SOX6: variants seen among roughly 807,000 people sequenced by gnomAD.
SOX6 encodes the protein SRY-box transcription factor 6, also known as transcription factor SOX-6.
SOX6 carries 11 observed loss-of-function variants against 97.8 expected under a neutral mutation model. The observed-to-expected ratio is 0.11, with a 90% CI of 0.07 to 0.19. SOX6 has a LOEUF of 0.19. Among genes scored for constraint, SOX6 ranks in the 10% least tolerant of loss-of-function variants. The probability of loss-of-function intolerance (pLI) is 1.00; values close to 1 mark genes in which losing one functional copy is unlikely to be tolerated. For synonymous variants in SOX6, 360 were observed against 371.4 expected (o/e 0.97, Z 0.35); for missense variants, 810 against 1,039.5 (o/e 0.78, Z 3.04).
intron 4 of SOX6, among the ~76,000 whole-genome samples, chr11:16,193,902 C>G (rs769758475): frequency 2.6e-5 from 4 of 152,180 alleles, no homozygotes; most frequent in Non-Finnish European, 4.4e-5. Context: ...GGGAAAACTG[C>G]TGCATCTTTA....
At chr11:16,406,460 C>A (rs1858688682) in intron 1 of SOX6, among the ~76,000 whole-genome samples, 1 of 152,100 alleles carries the variant, frequency 6.6e-6, no homozygotes, top group Admixed American at 6.6e-5. Context: ...TTGGCTGGGA[C>A]AACTGGTATA....
intron 4 of SOX6, among the ~76,000 whole-genome samples, chr11:16,555,371 T>C (rs1847738905): frequency 6.6e-6 from 1 of 151,670 alleles, no homozygotes; most frequent in Admixed American, 6.6e-5. Flanking sequence ...TTTGCTCAGG[T>C]GTTATCGGTA....
chr11:16,063,499 TATATATATATATATATATA>T (rs1564933202), intron 9 of SOX6, among the ~76,000 whole-genome samples: 569 of 11,370 alleles, frequency 0.05, 20 homozygotes, highest in African/African-American at 0.067. Context: ...CATAATTTTA[TATATATATATATATATATA>T]TATATATATA....
chr11:16,667,641 G>GT (rs1406064946), intron 3 of SOX6, among the ~76,000 whole-genome samples: 1 of 152,034 alleles, frequency 6.6e-6, no homozygotes, highest in Non-Finnish European at 1.5e-5. Context: ...AAAAGGTGAG[G>GT]TATTTCATCA....
chr11:16,545,974 C>A (rs772495807), intron 4 of SOX6, among the ~76,000 whole-genome samples: 11 of 151,952 alleles, frequency 7.2e-5, no homozygotes, highest in Non-Finnish European at 8.8e-5. Flanking sequence ...AATAAATACT[C>A]TTACCTCTAA....
intron 6 of SOX6, among the ~76,000 whole-genome samples, chr11:16,132,359 A>AAAGAAAG (rs1849789770): frequency 1.2e-5 from 1 of 83,694 alleles, no homozygotes; most frequent in African/African-American, 5.3e-5. Context: ...AGAAAGAAAG[A>AAAGAAAG]AAGAAAGAAA....
At chr11:16,522,691 G>C (rs1223070604) in intron 4 of SOX6, among the ~76,000 whole-genome samples, 1 of 152,138 alleles carries the variant, frequency 6.6e-6, no homozygotes, top group Admixed American at 6.5e-5. Flanking sequence ...CTGGCAAGTT[G>C]GATAAAGAGT....
At chr11:16,233,905 G>T (rs1852933553) in intron 4 of SOX6, among the ~76,000 whole-genome samples, 2 of 151,442 alleles carry the variant, frequency 1.3e-5, no homozygotes, top group Admixed American at 6.6e-5. Flanking sequence ...TACTCAGGGG[G>T]CTGAGGCAGG....
intron 4 of SOX6, among the ~76,000 whole-genome samples, chr11:16,506,120 C>A (rs764911982): frequency 6.6e-6 from 1 of 152,162 alleles, no homozygotes; most frequent in African/African-American, 2.4e-5. Flanking sequence ...GGTAGATCCA[C>A]CAACAACTTG....
At chr11:16,046,176 G>A (rs535614369) in intron 12 of SOX6, among the ~76,000 whole-genome samples, 2 of 152,260 alleles carry the variant, frequency 1.3e-5, no homozygotes, top group South Asian at 4.1e-4. Context: ...AAACACATAT[G>A]TGTCTTCCTT....
At chr11:16,687,803 G>A (rs1303973) in intron 3 of SOX6, among the ~76,000 whole-genome samples, 81,023 of 151,960 alleles carry the variant, frequency 0.53, 22,428 homozygotes, top group Admixed American at 0.63. Flanking sequence ...AAGTGCTAGT[G>A]TAACAGGCAT....
At chr11:16,144,265 G>A (rs1320055416) in intron 6 of SOX6, among the ~76,000 whole-genome samples, 2 of 152,164 alleles carry the variant, frequency 1.3e-5, no homozygotes, top group Non-Finnish European at 2.9e-5. Flanking sequence ...GGTACATAAG[G>A]AAATGAAGGC....
At chr11:16,296,529 ATGGC>A (rs1855095716) in intron 3 of SOX6, among the ~76,000 whole-genome samples, 1 of 152,258 alleles carries the variant, frequency 6.6e-6, no homozygotes, top group Admixed American at 6.5e-5. Flanking sequence ...ATTATAAAGA[ATGGC>A]TTATTGAAGG....
intron 3 of SOX6, among the ~76,000 whole-genome samples, chr11:16,306,552 G>A (rs998813302): frequency 2.6e-5 from 4 of 151,456 alleles, no homozygotes; most frequent in African/African-American, 9.7e-5. Context: ...ATCAACTTCA[G>A]CACTGTGCTG....
At chr11:16,154,710 G>A (rs779965326) in intron 6 of SOX6, among the ~76,000 whole-genome samples, 2 of 152,014 alleles carry the variant, frequency 1.3e-5, no homozygotes, top group Non-Finnish European at 1.5e-5. Context: ...AAGAATTATT[G>A]TAATATACAC....
At chr11:16,277,368 A>G (rs976272560) in intron 3 of SOX6, among the ~76,000 whole-genome samples, 27 of 152,216 alleles carry the variant, frequency 1.8e-4, no homozygotes, top group African/African-American at 6.3e-4. Flanking sequence ...ATCTTCAAGC[A>G]GGAAGACAGC....
At chr11:16,330,572 C>A (rs1172700688) in intron 2 of SOX6, among the ~76,000 whole-genome samples, 15 of 151,966 alleles carry the variant, frequency 9.9e-5, no homozygotes, top group Non-Finnish European at 1.5e-5. Context: ...AATAAACAAA[C>A]AAAAACAACA....
chr11:16,512,278 A>T (rs1860892981), intron 4 of SOX6, among the ~76,000 whole-genome samples: 1 of 152,246 alleles, frequency 6.6e-6, no homozygotes, highest in Non-Finnish European at 1.5e-5. Flanking sequence ...AGAAATAGTA[A>T]CACATGACAT....
At chr11:16,592,655 A>G (rs1182247457) in intron 4 of SOX6, among the ~76,000 whole-genome samples, 3 of 152,148 alleles carry the variant, frequency 2.0e-5, no homozygotes, top group Non-Finnish European at 2.9e-5. Flanking sequence ...CAAAATTAAT[A>G]ACTATATAAG....
Sources: gnomAD v4.1 joint callset for allele counts (sites outside exome capture counted in the v4.1 genomes callset) on GRCh38, gnomAD v4.1.1 for gene constraint, MANE v1.5 for transcripts, NCBI Gene and HGNC (gene_info 2026-07-23, HGNC 2026-07-21) for gene names.